AGBL4: variants seen among roughly 807,000 people sequenced by gnomAD.
AGBL4 encodes cytosolic carboxypeptidase 6.
In AGBL4, 58 loss-of-function variants were observed where a neutral mutation model predicts 66.4. That is an observed-to-expected ratio of 0.87 (90% CI 0.71 to 1.09). The LOEUF is 1.09. Among genes scored for constraint, AGBL4 ranks in the 50% least tolerant of loss-of-function variants. The pLI is 0.00. For missense variants in AGBL4, 579 were observed against 631.0 expected (o/e 0.92, Z 0.88); for synonymous variants, 234 against 222.9 (o/e 1.05, Z -0.44).
chr1:49,429,273 C>A (rs1645731816), intron 3 of AGBL4, among the ~76,000 whole-genome samples: 1 of 152,158 alleles, frequency 6.6e-6, no homozygotes, highest in Non-Finnish European at 1.5e-5. Context: ...AATAGTTAGG[C>A]TCCCATAAGA....
intron 3 of AGBL4, among the ~76,000 whole-genome samples, chr1:49,633,496 G>A (rs1012512738): frequency 2.0e-5 from 3 of 152,234 alleles, no homozygotes; most frequent in Admixed American, 2.0e-4. Flanking sequence ...GAGGTAAGTA[G>A]AGAAATGATA....
intron 3 of AGBL4, among the ~76,000 whole-genome samples, chr1:49,649,346 T>C (rs1645955640): frequency 2.0e-5 from 3 of 152,116 alleles, no homozygotes; most frequent in Admixed American, 2.0e-4. Context: ...AGAGCCAACT[T>C]TAGAGCAAGG....
chr1:49,596,371 A>G (rs1294050157), intron 3 of AGBL4, among the ~76,000 whole-genome samples: 1 of 152,098 alleles, frequency 6.6e-6, no homozygotes, highest in East Asian at 1.9e-4. Context: ...GGGTTTCACC[A>G]TGTTGCCCAG....
At chr1:49,877,948 G>T (rs923329795) in intron 1 of AGBL4, among the ~76,000 whole-genome samples, 1 of 152,114 alleles carries the variant, frequency 6.6e-6, no homozygotes, top group Non-Finnish European at 1.5e-5. Flanking sequence ...TATTTGTGTA[G>T]AGGTGTTTGT....
chr1:49,597,196 C>T (rs917356499), intron 3 of AGBL4, among the ~76,000 whole-genome samples: 1 of 152,178 alleles, frequency 6.6e-6, no homozygotes, highest in African/African-American at 2.4e-5. Flanking sequence ...TAGATAAGAA[C>T]TGTTTGTAGT....
intron 2 of AGBL4, among the ~76,000 whole-genome samples, chr1:49,717,608 C>T (rs1007516125): frequency 4.0e-4 from 61 of 152,160 alleles, no homozygotes; most frequent in African/African-American, 1.5e-3. Context: ...TCCCACAGCA[C>T]TCACTACATC....
intron 4 of AGBL4, among the ~76,000 whole-genome samples, chr1:49,117,174 G>A (rs564241437): frequency 2.0e-5 from 3 of 152,056 alleles, no homozygotes; most frequent in African/African-American, 2.4e-5. Flanking sequence ...TAGGTTGCCT[G>A]TTCACTCTGA....
At chr1:48,675,903 A>G (rs1442627346) in intron 6 of AGBL4, among the ~76,000 whole-genome samples, 1 of 152,270 alleles carries the variant, frequency 6.6e-6, no homozygotes, top group South Asian at 2.1e-4. Flanking sequence ...AGGCCATGCC[A>G]TCACCAGCGA....
At chr1:49,499,463 A>G (rs1324277355) in intron 3 of AGBL4, among the ~76,000 whole-genome samples, 1 of 151,860 alleles carries the variant, frequency 6.6e-6, no homozygotes, top group Non-Finnish European at 1.5e-5. Flanking sequence ...TGCACCCACC[A>G]CCCAAGAAGT....
intron 4 of AGBL4, among the ~76,000 whole-genome samples, chr1:49,156,106 T>G (rs1235252448): frequency 6.6e-6 from 1 of 152,152 alleles, no homozygotes. Context: ...TAATCTAATA[T>G]CAATCTTTTG....
chr1:49,071,705 A>G (rs945991200), intron 4 of AGBL4, among the ~76,000 whole-genome samples: 1 of 151,984 alleles, frequency 6.6e-6, no homozygotes, highest in African/African-American at 2.4e-5. Context: ...TGGTGCTGAG[A>G]AGAATGCATA....
In AGBL4 at chr1:49,232,964, A is replaced by G. The variant is rs1650440159; in HGVS notation, c.377+12806T>C. Among the ~76,000 whole-genome samples, 3 of 152,204 alleles carry G rather than the reference A, an allele frequency of 2.0e-5. No individual in the cohort carries two copies. The East Asian group carries it at 5.8e-4, about 29-fold the overall frequency. On this transcript the variant is annotated intron_variant, in intron 4 of 13. Transcript: ENST00000371839. ...TTTAAAATATTCTTTTGTTTAAAAG[A>G]TTTTAATTACTTCATCTTAGGATGC...
At chr1:48,622,384 C>G (rs987951541) in intron 9 of AGBL4, among the ~76,000 whole-genome samples, 1 of 152,048 alleles carries the variant, frequency 6.6e-6, no homozygotes, top group Admixed American at 6.6e-5. Context: ...CATGTGCTAC[C>G]CTGTGCTTCA....
intron 4 of AGBL4, among the ~76,000 whole-genome samples, chr1:49,148,170 T>C (rs1226771632): frequency 6.6e-6 from 1 of 152,134 alleles, no homozygotes; most frequent in African/African-American, 2.4e-5. Context: ...ACATAAAGTA[T>C]TTAGCATGTT....
chr1:49,938,171 C>T (rs1162301030), intron 1 of AGBL4, among the ~76,000 whole-genome samples: 1 of 151,518 alleles, frequency 6.6e-6, no homozygotes, highest in African/African-American at 2.4e-5. Context: ...GATATCACCA[C>T]CAATCCCACA....
At chr1:49,860,374 A>C (rs1243626612) in intron 1 of AGBL4, among the ~76,000 whole-genome samples, 1 of 152,258 alleles carries the variant, frequency 6.6e-6, no homozygotes, top group Non-Finnish European at 1.5e-5. Flanking sequence ...TTCAATGTAG[A>C]GAAGAAAATA....
chr1:48,589,773 CA>C (rs916354831), intron 10 of AGBL4, among the ~76,000 whole-genome samples: 1 of 152,104 alleles, frequency 6.6e-6, no homozygotes, highest in African/African-American at 2.4e-5. Flanking sequence ...CCAGCAATTA[CA>C]AAAAAATTGA....
chr1:49,987,119 G>T (rs1008391751), intron 1 of AGBL4, among the ~76,000 whole-genome samples: 1 of 152,020 alleles, frequency 6.6e-6, no homozygotes, highest in Non-Finnish European at 1.5e-5. Flanking sequence ...AAAAACATCA[G>T]CATATACTAG....
intron 3 of AGBL4, among the ~76,000 whole-genome samples, chr1:49,270,442 A>AT (rs111400780): frequency 0.029 from 4,208 of 147,640 alleles, 171 homozygotes; most frequent in African/African-American, 0.097. Context: ...TCAGGGGGAT[A>AT]TTTTTTTTTT....
Sources: allele counts gnomAD v4.1 joint callset (sites outside exome capture counted in the v4.1 genomes callset), GRCh38; gene constraint gnomAD v4.1.1; transcripts MANE v1.5; gene names NCBI Gene and HGNC (gene_info 2026-07-23, HGNC 2026-07-21).